MKRN3: variants seen among roughly 807,000 people sequenced by gnomAD.
MKRN3 encodes E3 ubiquitin-protein ligase makorin-3.
For missense variants in MKRN3, 749 were observed against 667.0 expected (o/e 1.12, Z -1.35); for synonymous variants, 301 against 250.2 (o/e 1.20, Z -1.91).
chr15:23,566,190 G>A lies in MKRN3; in HGVS notation c.408G>A (p.Gly136=), dbSNP rs931206186. ...CTGAGGGTGGCGTTTCGCCGCCTGGGGCCTCTGCAGGTGGAGGCCCTAGCA... is the reference window on the plus strand; with the variant it reads ...CTGAGGGTGGCGTTTCGCCGCCTGGAGCCTCTGCAGGTGGAGGCCCTAGCA... ...MATEGGVSPP[G]ASAGGGPSTA... is the part of the protein sequence containing the mutation. The change falls in exon 1 of 1, where the codon GGG becomes GGA. Residue 136 remains glycine, a synonymous_variant. Transcript: ENST00000314520. 1 of 1,613,746 alleles carries A rather than the reference G, an allele frequency of 6.2e-7. No homozygotes were observed. Among genetic ancestry groups the A allele is most frequent in the African/African-American group, 1.3e-5 (1 of 75,070 alleles).
Position 23,566,681 on chromosome 15 carries a change from C to A in MKRN3, c.899C>A (p.Ser300Ter). The A allele has an allele frequency of 6.2e-7, 1 of 1,614,196 alleles. No individual in the cohort carries two copies. Among genetic ancestry groups the A allele is most frequent in the Non-Finnish European group, 8.5e-7 (1 of 1,180,040 alleles). ...GCACACGAGAAAGATATGGAACTCT[C>A]GTTTGCTGTGCAGCGTGGTATGGAC... ...IEAHEKDMEL[S>*]FAVQRGMDKV... The change falls in exon 1 of 1, where the codon TCG becomes TAG. Residue 300 changes from serine (S) to a stop codon, truncating the protein, a stop_gained. Coordinates refer to ENST00000314520, the MANE Select transcript of MKRN3 (RefSeq NM_005664.4). LOFTEE classifies it low-confidence loss of function (END_TRUNC).
Position 23,567,110 on chromosome 15 carries a change from A to G in MKRN3, c.1328A>G (p.His443Arg). 1 of 1,614,210 alleles carries G rather than the reference A, an allele frequency of 6.2e-7. No individual in the cohort carries two copies. Among genetic ancestry groups the G allele is most frequent in the Non-Finnish European group, 8.5e-7 (1 of 1,180,042 alleles). Residue 443 changes from histidine to arginine, a missense_variant, in exon 1 of 1, where the codon CAT (histidine) becomes CGT (arginine). Physicochemically the swap from His to Arg is conservative, Grantham distance 29. Transcript: ENST00000314520. ...GGTGGGTCATTCAGCGCATACTGGC[A>G]TCAACTTGTGGAGCCTGTGCGAATG... ...PGGGSFSAYW[H>R]QLVEPVRMGE...
Position 23,567,269 on chromosome 15 carries a change from A to G in MKRN3, c.1487A>G (p.His496Arg), listed in dbSNP as rs749506944. The change falls in exon 1 of 1, where the codon CAT becomes CGT. Residue 496 changes from histidine to arginine, a missense_variant. Coordinates refer to ENST00000314520, the MANE Select transcript of MKRN3 (RefSeq NM_005664.4). ...PFSEDQWDLL[H>R]YELEEYFNLI... ...TCTGAGGACCAGTGGGACTTGCTTC[A>G]TTATGAGCTGGAAGAATATTTCAAT... is the stretch of plus-strand genomic sequence containing the variant. 24 of 1,614,192 alleles carry G rather than the reference A, an allele frequency of 1.5e-5. No individual in the cohort carries two copies. The Middle Eastern group carries it at 6.6e-4, about 44-fold the overall frequency.
At position 23,565,996 on chromosome 15, in the gene MKRN3, C is replaced by T; in HGVS notation, c.214C>T (p.Leu72=). ...PVPAHLRRGG[L]RPAPASGGGA... is the part of the protein sequence containing the mutation. ...CCCTGCCCACCTCCGCAGAGGAGGC[C>T]TGAGGCCTGCCCCAGCCTCAGGAGG... Residue 72 remains leucine, a synonymous_variant, in exon 1 of 1, where the codon CTG becomes TTG. Transcript: ENST00000314520. 1 of 1,613,844 alleles carries T rather than the reference C, an allele frequency of 6.2e-7. No individual in the cohort carries two copies. Among genetic ancestry groups the T allele is most frequent in the Non-Finnish European group, 8.5e-7 (1 of 1,179,966 alleles).
chr15:23,567,937 A>T lies in MKRN3; in HGVS notation c.*631A>T, dbSNP rs1022253290. On this transcript the variant is annotated 3_prime_UTR_variant, in exon 1 of 1. Transcript: ENST00000314520. ...ATAAAAATATATATGTATAAGAGTT[A>T]TGTATTTGAAAAAAATATATAAAAG... The T allele has an allele frequency of 1.4e-6, 1 of 724,278 alleles. No homozygotes were observed. The highest frequency in any genetic ancestry group is 1.9e-5 in the African/African-American group (1 of 51,590). The allele number at this position is 724,278 out of a possible 1,614,324, so 44.9% of individuals were successfully genotyped here.
chr15:23,565,951 C>T lies in MKRN3; in HGVS notation c.169C>T (p.Pro57Ser). The change falls in exon 1 of 1, where the codon CCC (proline) becomes TCC (serine). Residue 57 changes from proline (P) to serine (S), a missense_variant. Transcript: ENST00000314520. Reference protein sequence around the residue: ...ALPHAARGWAPFPVAPVPAHL... With the variant: ...ALPHAARGWASFPVAPVPAHL... ...GCCACATGCGGCAAGGGGCTGGGCC[C>T]CCTTCCCTGTAGCTCCAGTCCCTGC... The T allele has an allele frequency of 1.9e-6, 3 of 1,613,940 alleles. No homozygotes were observed. Among genetic ancestry groups the T allele is most frequent in the South Asian group, 1.1e-5 (1 of 91,082 alleles).
Position 23,567,619 on chromosome 15 carries a change from C to T in MKRN3, c.*313C>T. The T allele has an allele frequency of 2.6e-6, 3 of 1,143,394 alleles. No individual in the cohort carries two copies. The highest frequency in any genetic ancestry group is 3.3e-6 in the Non-Finnish European group (3 of 920,886). 70.8% of individuals were successfully genotyped at this position (1,143,394 alleles called of 1,614,324 possible). A position where few individuals can be genotyped will look rare whatever the true frequency, so the allele number is the denominator to read the frequency against. On this transcript the variant is annotated 3_prime_UTR_variant, in exon 1 of 1. Transcript: ENST00000314520. ...GAATTTCCACACTTATTTTGAAGAC[C>T]CTCAAGAGTAAATGTGGCAGAGTGA...
In MKRN3 at chr15:23,567,854, T is replaced by C; in HGVS notation, c.*548T>C. Reference sequence around the variant, plus strand: ...TGTATATGTTTACATGTTTTTATCCTGTTTAGCTTGACATGAAATAATTTA... The same window carrying C: ...TGTATATGTTTACATGTTTTTATCCCGTTTAGCTTGACATGAAATAATTTA... On this transcript the variant is annotated 3_prime_UTR_variant, in exon 1 of 1. Coordinates refer to ENST00000314520, the MANE Select transcript of MKRN3 (RefSeq NM_005664.4). 1 of 977,534 alleles carries C rather than the reference T, an allele frequency of 1.0e-6. No individual in the cohort carries two copies. The highest frequency in any genetic ancestry group is 1.2e-6 in the Non-Finnish European group (1 of 809,468). 60.6% of individuals were successfully genotyped at this position (977,534 alleles called of 1,614,324 possible). A position where few individuals can be genotyped will look rare whatever the true frequency, so the allele number is the denominator to read the frequency against.
Position 23,566,351 on chromosome 15 carries a change from G to C in MKRN3, c.569G>C (p.Gly190Ala). 1 of 1,614,190 alleles carries C rather than the reference G, an allele frequency of 6.2e-7. No homozygotes were observed. Among genetic ancestry groups the C allele is most frequent in the Non-Finnish European group, 8.5e-7 (1 of 1,180,032 alleles). The change falls in exon 1 of 1, where the codon GGA (glycine) becomes GCA (alanine). Residue 190 changes from glycine to alanine, a missense_variant. Gly to Ala is a moderately conservative substitution (Grantham distance 60, BLOSUM62 0). Transcript: ENST00000314520. The stretch of plus-strand genomic sequence containing the variant: ...GCCGAGAGAGACAATGCAGACCGTG[G>C]AGCTGCTGGAGGAGCAGGTGTAGAA... Reference protein sequence around the residue: ...FEAERDNADRGAAGGAGVESW... With the variant: ...FEAERDNADRAAAGGAGVESW...
At position 23,565,946 on chromosome 15, in the gene MKRN3, G is replaced by T; in HGVS notation, c.164G>T (p.Trp55Leu). The T allele has an allele frequency of 6.2e-7, 1 of 1,613,958 alleles. No individual in the cohort carries two copies. Among genetic ancestry groups the T allele is most frequent in the Non-Finnish European group, 8.5e-7 (1 of 1,179,996 alleles). ...DSALPHAARG[W>L]APFPVAPVPA... is the part of the protein sequence containing the mutation. ...GCCCTGCCACATGCGGCAAGGGGCTGGGCCCCCTTCCCTGTAGCTCCAGTC... is the reference window on the plus strand; with the variant it reads ...GCCCTGCCACATGCGGCAAGGGGCTTGGCCCCCTTCCCTGTAGCTCCAGTC... The change falls in exon 1 of 1, where the codon TGG (tryptophan) becomes TTG (leucine). Residue 55 changes from tryptophan to leucine, a missense_variant. Transcript: ENST00000314520.
At position 23,565,798 on chromosome 15, in the gene MKRN3, G is replaced by A. The variant is rs771260314; in HGVS notation, c.16G>A (p.Ala6Thr). 1 of 1,601,876 alleles carries A rather than the reference G, an allele frequency of 6.2e-7. No homozygotes were observed. Among genetic ancestry groups the A allele is most frequent in the Non-Finnish European group, 8.5e-7 (1 of 1,171,886 alleles). Residue 6 changes from alanine to threonine, a missense_variant, in exon 1 of 1, where the codon GCT (alanine) becomes ACT (threonine). Physicochemically the swap from Ala to Thr is moderately conservative, Grantham distance 58 (BLOSUM62 0). Transcript: ENST00000314520. ...CAAAGCAGCCATGGAAGAGCCTGCAGCTCCCTCAGAAGCCCACGAGGCAGC... is the reference window on the plus strand; with the variant it reads ...CAAAGCAGCCATGGAAGAGCCTGCAACTCCCTCAGAAGCCCACGAGGCAGC... MEEPA[A>T]PSEAHEAAGA...
Position 23,567,979 on chromosome 15 carries a change from T to C in MKRN3, c.*673T>C. The stretch of plus-strand genomic sequence containing the variant: ...ATATAAAAGAATATACATCACAATA[T>C]AATATTTATGTTTATGTAATAAAGT... On this transcript the variant is annotated 3_prime_UTR_variant, in exon 1 of 1. Coordinates refer to ENST00000314520, the MANE Select transcript of MKRN3 (RefSeq NM_005664.4). The C allele has an allele frequency of 1.4e-6, 1 of 711,056 alleles. No individual in the cohort carries two copies. The highest frequency in any genetic ancestry group is 1.7e-6 in the Non-Finnish European group (1 of 575,254). 44.0% of individuals were successfully genotyped at this position (711,056 alleles called of 1,614,324 possible).
Position 23,567,741 on chromosome 15 carries a change from A to T in MKRN3, c.*435A>T. The stretch of plus-strand genomic sequence containing the variant: ...TGCAGCTGCTCATCTGTTTGTTTAC[A>T]GTTTGTTCTTTCCCTCCTTCCCCTT... On this transcript the variant is annotated 3_prime_UTR_variant, in exon 1 of 1. Transcript: ENST00000314520. The T allele has an allele frequency of 2.9e-5, 29 of 1,007,164 alleles. No individual in the cohort carries two copies. Among genetic ancestry groups the T allele is most frequent in the Non-Finnish European group, 3.5e-5 (29 of 834,432 alleles). 62.4% of individuals were successfully genotyped at this position (1,007,164 alleles called of 1,614,324 possible).
rs1260361393 is a variant in MKRN3 at position 23,565,869 on chromosome 15, G to A, written c.87G>A (p.Gly29=). ...GAEAAREGVS[G]PDLPVCEPSG... ...AGGCAGCAAGGGAGGGTGTGTCTGG[G>A]CCGGACCTTCCCGTCTGTGAGCCCT... Residue 29 remains glycine, a synonymous_variant, in exon 1 of 1, where the codon GGG becomes GGA. Transcript: ENST00000314520. 1 of 1,613,870 alleles carries A rather than the reference G, an allele frequency of 6.2e-7. No individual in the cohort carries two copies. The highest frequency in any genetic ancestry group is 8.5e-7 in the Non-Finnish European group (1 of 1,179,912).
At position 23,565,715 on chromosome 15, in the gene MKRN3, G is replaced by A. The variant is rs980180060; in HGVS notation, c.-68G>A. Reference sequence around the variant, plus strand: ...AGCCTCCGAGCGCGGCCGCCATTCCGGGCCTCAAGCCCATAAAGAAAAAAT... The same window carrying A: ...AGCCTCCGAGCGCGGCCGCCATTCCAGGCCTCAAGCCCATAAAGAAAAAAT... On this transcript the variant is annotated 5_prime_UTR_variant, in exon 1 of 1. Coordinates refer to ENST00000314520, the MANE Select transcript of MKRN3 (RefSeq NM_005664.4). 16 of 1,435,412 alleles carry A rather than the reference G, an allele frequency of 1.1e-5. No individual in the cohort carries two copies. Among genetic ancestry groups the A allele is most frequent in the Admixed American group, 2.7e-5 (1 of 36,462 alleles). 88.9% of individuals were successfully genotyped at this position (1,435,412 alleles called of 1,614,324 possible).
In MKRN3 at chr15:23,566,264, C is replaced by A. The variant is rs200402711; in HGVS notation, c.482C>A (p.Pro161Gln). The change falls in exon 1 of 1, where the codon CCG becomes CAG. Residue 161 changes from proline (P) to glutamine (Q), a missense_variant. Pro to Gln is a moderately conservative substitution (Grantham distance 76, BLOSUM62 -1). Coordinates refer to ENST00000314520, the MANE Select transcript of MKRN3 (RefSeq NM_005664.4). ...PPTQEVAEAP[P>Q]AASSLSLPVI... The stretch of plus-strand genomic sequence containing the variant: ...ACTCAGGAAGTGGCGGAAGCCCCCC[C>A]GGCTGCATCCTCCCTTTCCTTGCCT... 1.9e-6 allele frequency: 3 copies of A among 1,613,794 alleles called. No individual in the cohort carries two copies. Among genetic ancestry groups the A allele is most frequent in the Non-Finnish European group, 2.5e-6 (3 of 1,180,046 alleles).
In MKRN3 at chr15:23,566,015, C is replaced by CAGG; in HGVS notation, c.242_244dup (p.Gly81dup). ...GGAGGCCTGAGGCCTGCCCCAGCCT[C>CAGG]AGGAGGAGGAGCCTGGCCCAGTCCG... On this transcript the variant is annotated inframe_insertion, in exon 1 of 1. Coordinates refer to ENST00000314520, the MANE Select transcript of MKRN3 (RefSeq NM_005664.4). 1 of 1,613,952 alleles carries CAGG rather than the reference C, an allele frequency of 6.2e-7. No homozygotes were observed. Among genetic ancestry groups the CAGG allele is most frequent in the Non-Finnish European group, 8.5e-7 (1 of 1,180,018 alleles).
In MKRN3 at chr15:23,566,336, A is replaced by C; in HGVS notation, c.554A>C (p.Asp185Ala). Residue 185 changes from aspartate (D) to alanine (A), a missense_variant, in exon 1 of 1, where the codon GAC becomes GCC. Physicochemically the swap from Asp to Ala is moderately radical, Grantham distance 126. Coordinates refer to ENST00000314520, the MANE Select transcript of MKRN3 (RefSeq NM_005664.4). The stretch of plus-strand genomic sequence containing the variant: ...AGGGGTTTCTTTGAAGCCGAGAGAG[A>C]CAATGCAGACCGTGGAGCTGCTGGA... ...AERGFFEAER[D>A]NADRGAAGGA... 6.2e-7 allele frequency: 1 copy of C among 1,614,130 alleles called. No individual in the cohort carries two copies. The highest frequency in any genetic ancestry group is 8.5e-7 in the Non-Finnish European group (1 of 1,180,028).
At position 23,567,740 on chromosome 15, in the gene MKRN3, C is replaced by G. The variant is rs1889136302; in HGVS notation, c.*434C>G. 2 of 1,007,136 alleles carry G rather than the reference C, an allele frequency of 2.0e-6. No individual in the cohort carries two copies. Among genetic ancestry groups the G allele is most frequent in the South Asian group, 9.2e-5 (2 of 21,790 alleles). 62.4% of individuals were successfully genotyped at this position (1,007,136 alleles called of 1,614,324 possible). A position where few individuals can be genotyped will look rare whatever the true frequency, so the allele number is the denominator to read the frequency against. On this transcript the variant is annotated 3_prime_UTR_variant, in exon 1 of 1. Coordinates refer to ENST00000314520, the MANE Select transcript of MKRN3 (RefSeq NM_005664.4). ...TTGCAGCTGCTCATCTGTTTGTTTACAGTTTGTTCTTTCCCTCCTTCCCCT... is the reference window on the plus strand; with the variant it reads ...TTGCAGCTGCTCATCTGTTTGTTTAGAGTTTGTTCTTTCCCTCCTTCCCCT...
Sources: gnomAD v4.1 joint callset for allele counts on GRCh38, gnomAD v4.1.1 for gene constraint, MANE v1.5 for transcripts, NCBI Gene and HGNC (gene_info 2026-07-23, HGNC 2026-07-21) for gene names.